CDH3: variants seen among roughly 807,000 people sequenced by gnomAD.
CDH3 encodes cadherin-3.
A neutral mutation model predicts 82.0 loss-of-function variants in CDH3; 54 were observed. The ratio of observed to expected loss-of-function variants is 0.66; its 90% CI spans 0.53 to 0.83. The LOEUF (loss-of-function observed/expected upper bound fraction) is 0.83. Among genes scored for constraint, CDH3 ranks in the 40% least tolerant of loss-of-function variants. The pLI, the probability that CDH3 is intolerant of heterozygous loss-of-function variation, is 0.00. For synonymous variants in CDH3, 446 were observed against 437.9 expected (o/e 1.02, Z -0.23); for missense variants, 1,054 against 1,084.6 (o/e 0.97, Z 0.40).
At chr16:68,700,761 C>A (rs563353270), downstream of CDH3, among the ~76,000 whole-genome samples, 2 of 152,252 alleles carry the variant, frequency 1.3e-5, no homozygotes, top group African/African-American at 2.4e-5. Flanking sequence ...AACTGAGGCA[C>A]AAGAATCTCA....
Position 68,676,456 on chromosome 16 carries a change from G to A in CDH3, c.232G>A (p.Gly78Ser). ...TAATGATGACTTCACTGTGCGGAAT[G>A]GCGAGACAGTCCAGGTAAAATACCA... Reference protein sequence around the residue: ...TDNDDFTVRNGETVQERRSLK... With the variant: ...TDNDDFTVRNSETVQERRSLK... Residue 78 changes from glycine to serine, a missense_variant, in exon 3 of 16, where the codon GGC (glycine) becomes AGC (serine). By Grantham distance (56) the Gly-to-Ser change is moderately conservative (BLOSUM62 0). Coordinates refer to ENST00000264012, the MANE Select transcript of CDH3 (RefSeq NM_001793.6). 1 of 1,613,118 alleles carries A rather than the reference G, an allele frequency of 6.2e-7. No individual in the cohort carries two copies. Among genetic ancestry groups the A allele is most frequent in the Non-Finnish European group, 8.5e-7 (1 of 1,179,030 alleles).
At chr16:68,710,942 A>G (rs1391919667) in intron 1 of CDH3, among the ~76,000 whole-genome samples, 1 of 111,592 alleles carries the variant, frequency 9.0e-6, no homozygotes, top group African/African-American at 3.4e-5. Context: ...AAGGGAGGGG[A>G]GGGGAGGAGA....
chr16:68,687,236 C>T (rs1961436864), intron 11 of CDH3, among the ~76,000 whole-genome samples: 1 of 152,192 alleles, frequency 6.6e-6, no homozygotes, highest in Non-Finnish European at 1.5e-5. Flanking sequence ...AGCTGATCGA[C>T]AAACACTGGA....
intron 2 of CDH3, among the ~76,000 whole-genome samples, chr16:68,658,437 G>A (rs556167713): frequency 2.6e-5 from 4 of 152,246 alleles, no homozygotes; most frequent in African/African-American, 9.6e-5. Flanking sequence ...TTCCCTGTGC[G>A]TGCATGGGAA....
At chr16:68,669,948 A>T (rs1326212615) in intron 2 of CDH3, among the ~76,000 whole-genome samples, 2 of 151,846 alleles carry the variant, frequency 1.3e-5, no homozygotes, top group Non-Finnish European at 2.9e-5. Context: ...AAGACCCTGT[A>T]TCTACCAAAA....
At chr16:68,715,844 G>A (rs1217060551) in intron 1 of CDH3, among the ~76,000 whole-genome samples, 2 of 152,302 alleles carry the variant, frequency 1.3e-5, no homozygotes, top group East Asian at 1.9e-4. Context: ...ACAACATATG[G>A]TTCAAAAACC....
chr16:68,646,776 A>G (rs1399025691), intron 2 of CDH3, among the ~76,000 whole-genome samples: 1 of 152,070 alleles, frequency 6.6e-6, no homozygotes, highest in East Asian at 1.9e-4. Context: ...GGGGGAAGGA[A>G]CCGTGGCTTA....
intron 2 of CDH3, among the ~76,000 whole-genome samples, chr16:68,726,061 A>C (rs1962215912): frequency 6.6e-6 from 1 of 152,128 alleles, no homozygotes; most frequent in African/African-American, 2.4e-5. Context: ...AAGAAAAGAA[A>C]AAGAAAAAAG....
chr16:68,672,819 C>T (rs1960924051), intron 2 of CDH3, among the ~76,000 whole-genome samples: 1 of 152,242 alleles, frequency 6.6e-6, no homozygotes, highest in Admixed American at 6.5e-5. Context: ...CCCCAAGCCC[C>T]TCTGTCCTCT....
At chr16:68,705,515 G>A (rs547436564) in intron 1 of CDH3, among the ~76,000 whole-genome samples, 47 of 151,940 alleles carry the variant, frequency 3.1e-4, no homozygotes, top group African/African-American at 1.1e-3. Context: ...TCCACCTCCC[G>A]AGTTCAAGTG....
intron 2 of CDH3, among the ~76,000 whole-genome samples, chr16:68,726,048 A>AAAAAG (rs1962215790): frequency 1.3e-5 from 2 of 152,208 alleles, no homozygotes; most frequent in Admixed American, 6.6e-5. Flanking sequence ...TTGTCTCAAA[A>AAAAAG]AAAAGAAAAG....
Position 68,691,925 on chromosome 16 carries a change from G to T in CDH3, c.2001G>T (p.Leu667=). ...LPVLGAVLAL[L]FLLLVLLLLV... ...TGCTGGGGGCTGTCCTGGCTCTGCT[G>T]TGTGAGTACCAGGCCCCCACCCCCT... The change falls in exon 13 of 16, where the codon CTG becomes CTT. Residue 667 remains leucine, a splice_region_variant and synonymous_variant. Coordinates refer to ENST00000264012, the MANE Select transcript of CDH3 (RefSeq NM_001793.6). 8.1e-6 allele frequency: 13 copies of T among 1,610,674 alleles called. No homozygotes were observed. The highest frequency in any genetic ancestry group is 1.0e-5 in the Non-Finnish European group (12 of 1,177,974).
intron 6 of CDH3, 101 bp from the exon 7 acceptor site, chr16:68,679,694 CAAAA>C (rs66540234): frequency 1.7e-3 from 618 of 360,888 alleles, no homozygotes; most frequent in East Asian, 2.5e-3. Flanking sequence ...GACTTCATCT[CAAAA>C]AAAAAAAAAA....
intron 6 of CDH3, 68 bp downstream of exon 6, chr16:68,678,974 C>A: frequency 1.3e-6 from 2 of 1,508,952 alleles, no homozygotes; most frequent in South Asian, 1.1e-5. Flanking sequence ...AAGATCCCAC[C>A]ATACCTGATT....
chr16:68,731,529 CACACACACACATAT>C (rs1962293728), downstream of CDH3, among the ~76,000 whole-genome samples: 2 of 58,222 alleles, frequency 3.4e-5, no homozygotes, highest in Admixed American at 1.9e-4. Context: ...CACACACACA[CACACACACACATAT>C]ATATATATAC....
In CDH3 at chr16:68,678,484, T is replaced by A; in HGVS notation, c.391-17T>A. 6.2e-7 allele frequency: 1 copy of A among 1,614,182 alleles called. No individual in the cohort carries two copies. Among genetic ancestry groups the A allele is most frequent in the Non-Finnish European group, 8.5e-7 (1 of 1,180,000 alleles). Reference sequence around the variant, plus strand: ...ATATTTGTTACTTTGTCAGCTGCCATTTTCTTTTCCCTCCAGCTCAAGTCT... The same window carrying A: ...ATATTTGTTACTTTGTCAGCTGCCAATTTCTTTTCCCTCCAGCTCAAGTCT... On this transcript the variant is annotated splice_polypyrimidine_tract_variant and intron_variant, in intron 4 of 15. Transcript: ENST00000264012.
chr16:68,672,801 T>C (rs1035580101), intron 2 of CDH3, among the ~76,000 whole-genome samples: 5 of 152,336 alleles, frequency 3.3e-5, no homozygotes, highest in Non-Finnish European at 7.3e-5. Flanking sequence ...GAGGCAGCTC[T>C]TTAGGGTCCC....
At chr16:68,654,713 A>AAAAAAG (rs113117523) in intron 2 of CDH3, among the ~76,000 whole-genome samples, 1 of 91,128 alleles carries the variant, frequency 1.1e-5, no homozygotes, top group African/African-American at 4.3e-5. Context: ...AAAAAAAAAA[A>AAAAAAG]ATATATATAT....
chr16:68,653,596 C>G (rs1960314181), intron 2 of CDH3, among the ~76,000 whole-genome samples: 1 of 152,090 alleles, frequency 6.6e-6, no homozygotes. Context: ...GAAAAGCTTC[C>G]CTTTCTTTGT....
Sources: gnomAD v4.1 joint callset for allele counts (sites outside exome capture counted in the v4.1 genomes callset) on GRCh38, gnomAD v4.1.1 for gene constraint, MANE v1.5 for transcripts, NCBI Gene and HGNC (gene_info 2026-07-23, HGNC 2026-07-21) for gene names.